The following DPP10 variants were observed in gnomAD, a reference collection of about 807,000 sequenced individuals.
The protein encoded by DPP10 is dipeptidyl peptidase like 10, also known as inactive dipeptidyl peptidase 10.
Under a neutral mutation model 120.9 loss-of-function variants are expected in DPP10, and 33 were observed. The observed-to-expected ratio is 0.27, with a 90% CI of 0.21 to 0.37. The LOEUF (loss-of-function observed/expected upper bound fraction) is 0.37. Among genes scored for constraint, DPP10 ranks in the 10% least tolerant of loss-of-function variants. The pLI, the probability that DPP10 is intolerant of heterozygous loss-of-function variation, is 1.00. For synonymous variants in DPP10, 337 were observed against 326.1 expected (o/e 1.03, Z -0.36); for missense variants, 816 against 942.8 (o/e 0.87, Z 1.76).
At chr2:115,803,415 C>A (rs1685511344) in intron 19 of DPP10, among the ~76,000 whole-genome samples, 1 of 152,148 alleles carries the variant, frequency 6.6e-6, no homozygotes, top group Non-Finnish European at 1.5e-5. Context: ...TTAATTGGAG[C>A]ATTTAGCCCA....
chr2:114,623,876 T>C (rs913592675), intron 1 of DPP10, among the ~76,000 whole-genome samples: 8 of 152,078 alleles, frequency 5.3e-5, no homozygotes, highest in Admixed American at 1.3e-4. Context: ...TACTGAGCAA[T>C]TACTATGTGC....
intron 5 of DPP10, among the ~76,000 whole-genome samples, chr2:115,604,449 T>C (rs989534358): frequency 1.3e-5 from 2 of 152,182 alleles, no homozygotes; most frequent in Non-Finnish European, 2.9e-5. Context: ...AGAGGAATGC[T>C]CTCAACCTGG....
chr2:115,161,826 G>GCTCCCCCCCCCCC, intron 1 of DPP10: 1 of 367,370 alleles, frequency 2.7e-6, no homozygotes, highest in Non-Finnish European at 4.2e-6. Flanking sequence ...CCGCCCCTCC[G>GCTCCCCCCCCCCC]CTCCCCCCAC....
At chr2:115,111,540 G>GT (rs1393859238) in intron 1 of DPP10, among the ~76,000 whole-genome samples, 2 of 152,190 alleles carry the variant, frequency 1.3e-5, no homozygotes, top group Non-Finnish European at 2.9e-5. Context: ...CCACAAGGGA[G>GT]TAGGCATGGG....
At chr2:115,246,057 G>A (rs1243469191) in intron 1 of DPP10, among the ~76,000 whole-genome samples, 4 of 151,934 alleles carry the variant, frequency 2.6e-5, no homozygotes, top group Non-Finnish European at 4.4e-5. Flanking sequence ...TGAAATGAAA[G>A]ATGGAAACCT....
chr2:115,165,284 C>T (rs2052751562), intron 1 of DPP10, among the ~76,000 whole-genome samples: 1 of 152,076 alleles, frequency 6.6e-6, no homozygotes, highest in Admixed American at 6.6e-5. Context: ...GATGAGAATA[C>T]AGAGGATTAA....
chr2:115,193,946 C>A (rs4848383), intron 1 of DPP10, among the ~76,000 whole-genome samples: 121,382 of 152,112 alleles, frequency 0.8, 48,617 homozygotes, highest in East Asian at 0.89. Context: ...CTCTCTCTTA[C>A]GATTTGGATC....
chr2:115,385,620 G>T (rs1456785798), intron 3 of DPP10, among the ~76,000 whole-genome samples: 2 of 152,094 alleles, frequency 1.3e-5, no homozygotes, highest in Non-Finnish European at 2.9e-5. Context: ...GCTTCCCAAA[G>T]TGCTGGGATT....
chr2:115,776,534 T>C (rs1046738815), intron 13 of DPP10, among the ~76,000 whole-genome samples: 1 of 152,148 alleles, frequency 6.6e-6, no homozygotes, highest in Non-Finnish European at 1.5e-5. Flanking sequence ...TTTGGGTTGG[T>C]TCCAAATCTT....
At chr2:115,253,918 C>T (rs898512686) in intron 1 of DPP10, among the ~76,000 whole-genome samples, 1 of 152,250 alleles carries the variant, frequency 6.6e-6, no homozygotes, top group Non-Finnish European at 1.5e-5. Flanking sequence ...TATTTCCCTT[C>T]TGCACTTCCC....
chr2:115,427,742 G>A (rs2070613648), intron 3 of DPP10, among the ~76,000 whole-genome samples: 1 of 152,164 alleles, frequency 6.6e-6, no homozygotes, highest in Non-Finnish European at 1.5e-5. Flanking sequence ...TTTTAGTTAT[G>A]CAAATTTCTT....
chr2:115,106,853 A>G lies in DPP10; in HGVS notation c.61-202386A>G, dbSNP rs1023777373. Among the ~76,000 whole-genome samples the G allele has an allele frequency of 3.3e-5, 5 of 152,102 alleles. No homozygotes were observed. In the South Asian group the frequency reaches 6.2e-4, roughly 19 times the overall value. The stretch of plus-strand genomic sequence containing the variant: ...CACTTTGGGAGGCCGAGGCGGGTGG[A>G]TCATGAGGTCAGGAGATCGAGACCA... On this transcript the variant is annotated intron_variant, in intron 1 of 25. Transcript: ENST00000410059.
intron 3 of DPP10, among the ~76,000 whole-genome samples, chr2:115,395,876 G>A (rs991525696): frequency 2.0e-5 from 3 of 151,930 alleles, no homozygotes; most frequent in African/African-American, 7.2e-5. Flanking sequence ...ATGTGTTGCT[G>A]TACATACTAT....
intron 1 of DPP10, among the ~76,000 whole-genome samples, chr2:114,455,825 C>A (rs1276379075): frequency 1.3e-5 from 2 of 149,970 alleles, no homozygotes; most frequent in Non-Finnish European, 3.0e-5. Flanking sequence ...TTCAGTATTT[C>A]TTCTAATATT....
At chr2:114,888,142 C>CAAAAAAAAAAA (rs1231068172) in intron 1 of DPP10, among the ~76,000 whole-genome samples, 3 of 66,310 alleles carry the variant, frequency 4.5e-5, no homozygotes, top group Admixed American at 1.8e-4. Flanking sequence ...GCCTCCGTCT[C>CAAAAAAAAAAA]AAAAAAAAAA....
chr2:115,459,903 C>T (rs1205887306), intron 3 of DPP10, among the ~76,000 whole-genome samples: 1 of 124,422 alleles, frequency 8.0e-6, no homozygotes. Context: ...ATTTTCAAGG[C>T]TTACATAGTA....
At chr2:114,560,558 G>T (rs2104939631) in intron 1 of DPP10, among the ~76,000 whole-genome samples, 1 of 152,228 alleles carries the variant, frequency 6.6e-6, no homozygotes, top group South Asian at 2.1e-4. Context: ...CACAGGCTTG[G>T]CACTGGTCCT....
intron 1 of DPP10, among the ~76,000 whole-genome samples, chr2:115,120,835 A>G (rs1050965304): frequency 2.0e-5 from 3 of 152,188 alleles, no homozygotes; most frequent in African/African-American, 7.2e-5. Flanking sequence ...ATCACTTCTC[A>G]TATAAAATCT....
At chr2:115,305,043 C>A (rs564721780) in intron 1 of DPP10, among the ~76,000 whole-genome samples, 2 of 152,160 alleles carry the variant, frequency 1.3e-5, no homozygotes, top group South Asian at 4.1e-4. Context: ...TATGATCTGA[C>A]GTTGAACACA....
Sources: allele counts gnomAD v4.1 joint callset (sites outside exome capture counted in the v4.1 genomes callset), GRCh38; gene constraint gnomAD v4.1.1; transcripts MANE v1.5; gene names NCBI Gene and HGNC (gene_info 2026-07-23, HGNC 2026-07-21).